SERHL2: variants seen among roughly 807,000 people sequenced by gnomAD.
The protein encoded by SERHL2 is serine hydrolase-like protein 2.
In SERHL2, 29 loss-of-function variants were observed where a neutral mutation model predicts 25.5. The ratio of observed to expected loss-of-function variants is 1.14; its 90% CI spans 0.85 to 1.55. The LOEUF (loss-of-function observed/expected upper bound fraction) is 1.55, where lower values mean the gene tolerates loss of function less well. Among genes scored for constraint, SERHL2 ranks in the 40% most tolerant of loss-of-function variants. The probability of loss-of-function intolerance (pLI) is 0.00; values close to 1 mark genes in which losing one functional copy is unlikely to be tolerated. For missense variants in SERHL2, 240 were observed against 252.3 expected, an observed-to-expected ratio of 0.95 and a Z score of 0.33; for synonymous variants, 95 against 103.5, an observed-to-expected ratio of 0.92 and a Z score of 0.50.
At chr22:42,571,540 C>G (rs1924190598) in intron 10 of SERHL2, 2 of 992,298 alleles carry the variant, frequency 2.0e-6, no homozygotes, top group Non-Finnish European at 2.5e-6. Flanking sequence ...ATTCTCCTGC[C>G]TCAGCCTCCC....
chr22:42,561,616 C>T (rs931564230), intron 8 of SERHL2, among the ~76,000 whole-genome samples: 1 of 151,698 alleles, frequency 6.6e-6, no homozygotes, highest in African/African-American at 2.4e-5. Flanking sequence ...AGTGGGAATT[C>T]AGTCTCGTGT....
In SERHL2 at chr22:42,570,392, C is replaced by T. The variant is rs144129981; in HGVS notation, c.649-729C>T. On this transcript the variant is annotated intron_variant, in intron 9 of 11. Transcript: ENST00000327678. ...GAGATCGCGCCATTGCATTCCAGCC[C>T]GGGCACCAAGAGCAAAACTCGGTCT... is the stretch of plus-strand genomic sequence containing the variant. 2.5e-3 allele frequency among the ~76,000 whole-genome samples: 384 copies of T among 152,096 alleles called. 6 individuals are homozygous for T. The highest frequency in any genetic ancestry group is 0.017 in the Middle Eastern group (5 of 294).
In SERHL2 at chr22:42,554,033, G is replaced by GCCGCA; in HGVS notation, c.16_20dup (p.Gly8HisfsTer4). ...CGGGACGAGAGCGATGAGTGAGAAC[G>GCCGCA]CCGCACCAGGTCTGACGGGGAGGCC... On this transcript the variant is annotated frameshift_variant, in exon 1 of 12. Coordinates refer to ENST00000327678, the MANE Select transcript of SERHL2 (RefSeq NM_014509.5). LOFTEE classifies it high-confidence loss of function. The GCCGCA allele has an allele frequency of 1.2e-6, 2 of 1,613,598 alleles. No individual in the cohort carries two copies. Among genetic ancestry groups the GCCGCA allele is most frequent in the Non-Finnish European group, 1.7e-6 (2 of 1,179,786 alleles).
chr22:42,566,323 C>T lies in SERHL2; in HGVS notation c.633C>T (p.Asp211=), dbSNP rs113416470. 1,102 of 1,612,144 alleles carry T rather than the reference C, an allele frequency of 6.8e-4. 15 individuals are homozygous for T. The African/African-American group carries it at 0.011, about 15-fold the overall frequency. Reference sequence around the variant, plus strand: ...CTCCAGGTCTGGTTCTGAACAGAGACCAGAGGCTCGCCTGGGTGAGTACCA... The same window carrying T: ...CTCCAGGTCTGGTTCTGAACAGAGATCAGAGGCTCGCCTGGGTGAGTACCA... ...KVATGLVLNR[D]QRLAWAENSI... The change falls in exon 9 of 12, where the codon GAC becomes GAT. Residue 211 remains aspartate (D), a synonymous_variant. Coordinates refer to ENST00000327678, the MANE Select transcript of SERHL2 (RefSeq NM_014509.5).
At chr22:42,554,458 G>A (rs1167761594) in intron 1 of SERHL2, among the ~76,000 whole-genome samples, 1 of 152,190 alleles carries the variant, frequency 6.6e-6, no homozygotes, top group Non-Finnish European at 1.5e-5. Context: ...TTCCTGCTCT[G>A]TGGAGGGAGA....
At chr22:42,565,263 A>C (rs1221126789) in intron 8 of SERHL2, 1 of 152,604 alleles carries the variant, frequency 6.6e-6, no homozygotes, top group Non-Finnish European at 1.5e-5. Flanking sequence ...CCTAGCCGCC[A>C]GATCAGCTGA....
At chr22:42,572,741 G>GGT (rs1470186513) in intron 11 of SERHL2, 2 of 984,428 alleles carry the variant, frequency 2.0e-6, no homozygotes, top group Non-Finnish European at 2.4e-6. Context: ...AGAGACCTTT[G>GGT]GTGGGGAACC....
chr22:42,564,247 CT>C lies in SERHL2; in HGVS notation c.614-2052del, dbSNP rs569576783. 1.1e-4 allele frequency among the ~76,000 whole-genome samples: 16 copies of C among 151,612 alleles called. No individual in the cohort carries two copies. The East Asian group carries it at 3.1e-3, about 29-fold the overall frequency. ...AAGTGAGGTTTGCATCTGACTTCAT[CT>C]TTTTCCAGATGGCTCCTCAGGTGCC... On this transcript the variant is annotated intron_variant, in intron 8 of 11. Transcript: ENST00000327678.
chr22:42,573,808 C>A (rs1246295381), intron 11 of SERHL2, 128 bp from the exon 12 acceptor site: 28 of 860,422 alleles, frequency 3.3e-5, no homozygotes, highest in African/African-American at 8.5e-5. Flanking sequence ...GTGGGGGAAA[C>A]TCACTGTGGG....
intron 9 of SERHL2, chr22:42,569,869 GTGTGTT>G (rs1333378110): frequency 2.1e-5 from 3 of 141,702 alleles, no homozygotes; most frequent in Non-Finnish European, 3.0e-5. Flanking sequence ...GTGTGTGTGT[GTGTGTT>G]CATGGCAATT....
chr22:42,566,781 G>A (rs1235127450), intron 9 of SERHL2, among the ~76,000 whole-genome samples: 1 of 152,302 alleles, frequency 6.6e-6, no homozygotes, highest in South Asian at 2.1e-4. Flanking sequence ...GATTAAAGAG[G>A]GGAGGGGCAG....
intron 11 of SERHL2, chr22:42,572,801 A>C: frequency 1.3e-6 from 1 of 765,778 alleles, no homozygotes; most frequent in South Asian, 5.8e-5. Context: ...AGTAGCTGGG[A>C]TTACAGGCAC....
chr22:42,562,640 G>A (rs995848108), intron 8 of SERHL2, among the ~76,000 whole-genome samples: 1 of 151,904 alleles, frequency 6.6e-6, no homozygotes, highest in African/African-American at 2.4e-5. Context: ...ATGAGAAGGT[G>A]ACTTTTGAGC....
At chr22:42,571,062 G>A (rs1019905416) in intron 9 of SERHL2, 59 bp from the exon 10 acceptor site, 40 of 1,609,812 alleles carry the variant, frequency 2.5e-5, no homozygotes, top group East Asian at 2.0e-4. Flanking sequence ...GATGGGTTTC[G>A]TGCCCACGAG....
intron 11 of SERHL2, 45 bp downstream of exon 11, chr22:42,572,574 C>G (rs775556395): frequency 6.2e-7 from 1 of 1,603,110 alleles, no homozygotes; most frequent in Non-Finnish European, 8.5e-7. Context: ...CTGTCGCCCA[C>G]TCTGGTCCCA....
chr22:42,559,578 G>A (rs1922410196), intron 7 of SERHL2, among the ~76,000 whole-genome samples: 3 of 151,558 alleles, frequency 2.0e-5, no homozygotes, highest in African/African-American at 7.3e-5. Context: ...GGTGGCGGGC[G>A]CCTGAATATC....
At chr22:42,559,685 C>T (rs1922424980) in intron 7 of SERHL2, among the ~76,000 whole-genome samples, 1 of 151,222 alleles carries the variant, frequency 6.6e-6, no homozygotes. Context: ...CGCCACTGTA[C>T]TCCAGCCTGG....
intron 10 of SERHL2, chr22:42,571,416 G>T: frequency 7.2e-7 from 1 of 1,393,818 alleles, no homozygotes; most frequent in Non-Finnish European, 9.3e-7. Context: ...GGGATGGGCC[G>T]GGGCTGTCCC....
In SERHL2 at chr22:42,574,045, C is replaced by A. The variant is rs746281078; in HGVS notation, c.935C>A (p.Ala312Asp). Residue 312 changes from alanine (A) to aspartate (D), a missense_variant, in exon 12 of 12, where the codon GCC (alanine) becomes GAC (aspartate). Coordinates refer to ENST00000327678, the MANE Select transcript of SERHL2 (RefSeq NM_014509.5). ...TTACAGTGCACACACATGCTCCCAG[C>A]CCAGCTGTAGCTCTGGGCCTGGAAC... is the stretch of plus-strand genomic sequence containing the variant. ...SFLQCTHMLP[A>D]QL is the part of the protein sequence containing the mutation. 139 of 1,612,610 alleles carry A rather than the reference C, an allele frequency of 8.6e-5. No individual in the cohort carries two copies. The highest frequency in any genetic ancestry group is 1.1e-4 in the Non-Finnish European group (132 of 1,179,152).
Sources: gnomAD v4.1 joint callset for allele counts (sites outside exome capture counted in the v4.1 genomes callset) on GRCh38, gnomAD v4.1.1 for gene constraint, MANE v1.5 for transcripts, NCBI Gene and HGNC (gene_info 2026-07-23, HGNC 2026-07-21) for gene names.